The following CADM2 variants were observed in gnomAD, a reference collection of about 807,000 sequenced individuals.
CADM2 encodes the protein cell adhesion molecule 2.
CADM2 carries 12 observed loss-of-function variants against 49.8 expected under a neutral mutation model. That is an observed-to-expected ratio of 0.24 (90% CI 0.15 to 0.39). The LOEUF is 0.39. Ranked by LOEUF, CADM2 falls within the 10% of genes least tolerant of loss-of-function variation. The pLI, the probability that CADM2 is intolerant of heterozygous loss-of-function variation, is 1.00. For synonymous variants in CADM2, 214 were observed against 175.4 expected, an observed-to-expected ratio of 1.22 and a Z score of -1.74; for missense variants, 378 against 492.3, an observed-to-expected ratio of 0.77 and a Z score of 2.20.
rs1340697809 is a variant in CADM2, at chr3:85,634,502, C to T, written c.62-92020C>T. Among the ~76,000 whole-genome samples the T allele has an allele frequency of 2.0e-5, 3 of 151,738 alleles. No individual in the cohort carries two copies. The East Asian group carries it at 5.8e-4, about 29-fold the overall frequency. On this transcript the variant is annotated intron_variant, in intron 1 of 9. Coordinates refer to ENST00000383699, the MANE Select transcript of CADM2 (RefSeq NM_001167675.2). ...TTTATATGAACTTTTACATAGTGCC[C>T]CAAGAAGAAATAATACCTGTGTAAC...
chr3:85,202,078 G>GAA (rs57243426), intron 1 of CADM2, among the ~76,000 whole-genome samples: 17 of 79,520 alleles, frequency 2.1e-4, no homozygotes, highest in East Asian at 3.9e-4. Flanking sequence ...GACTCTGTCT[G>GAA]AAAAAAAAAA....
At chr3:85,757,117 A>G (rs1405363913) in intron 2 of CADM2, among the ~76,000 whole-genome samples, 1 of 152,146 alleles carries the variant, frequency 6.6e-6, no homozygotes, top group Non-Finnish European at 1.5e-5. Flanking sequence ...AAATATTAAT[A>G]TTAAGTAAAG....
chr3:85,358,479 C>T (rs2032060214), intron 1 of CADM2, among the ~76,000 whole-genome samples: 1 of 152,042 alleles, frequency 6.6e-6, no homozygotes, highest in Non-Finnish European at 1.5e-5. Context: ...GAACAGCAAA[C>T]TAGGCAGATT....
intron 1 of CADM2, among the ~76,000 whole-genome samples, chr3:85,296,361 G>A (rs1426745378): frequency 6.6e-6 from 1 of 151,838 alleles, no homozygotes; most frequent in Non-Finnish European, 1.5e-5. Context: ...ATATTTTTTA[G>A]AGTTCTAAAG....
intron 1 of CADM2, among the ~76,000 whole-genome samples, chr3:85,453,603 T>A (rs1030333086): frequency 2.6e-5 from 4 of 152,170 alleles, no homozygotes; most frequent in African/African-American, 4.8e-5. Flanking sequence ...TTGTGTGACA[T>A]CTTTGTTTAA....
intron 3 of CADM2, among the ~76,000 whole-genome samples, chr3:85,855,108 C>T (rs1290082456): frequency 6.6e-6 from 1 of 152,026 alleles, no homozygotes; most frequent in Non-Finnish European, 1.5e-5. Context: ...CCTACAACAT[C>T]CTTTCCTCCA....
chr3:85,201,836 A>G (rs2041510552), intron 1 of CADM2, among the ~76,000 whole-genome samples: 1 of 152,112 alleles, frequency 6.6e-6, no homozygotes, highest in African/African-American at 2.4e-5. Flanking sequence ...TAATTCCAGC[A>G]CTTTGGGAGG....
intron 1 of CADM2, among the ~76,000 whole-genome samples, chr3:85,035,968 G>A (rs970115018): frequency 5.9e-5 from 9 of 152,112 alleles, no homozygotes; most frequent in Admixed American, 5.9e-4. Flanking sequence ...GTAACATAGA[G>A]AGCACAGTGC....
intron 1 of CADM2, among the ~76,000 whole-genome samples, chr3:85,457,141 A>G (rs1341575265): frequency 6.6e-6 from 1 of 152,162 alleles, no homozygotes; most frequent in Non-Finnish European, 1.5e-5. Context: ...GGCCAGGAGC[A>G]GTGGCTCACG....
intron 1 of CADM2, among the ~76,000 whole-genome samples, chr3:85,495,676 C>A (rs1295137574): frequency 2.6e-5 from 4 of 151,980 alleles, no homozygotes; most frequent in African/African-American, 9.7e-5. Context: ...GGCATCCGGT[C>A]CTGCTGAGGC....
chr3:85,810,477 G>A (rs1320438621), intron 3 of CADM2, among the ~76,000 whole-genome samples: 9 of 150,152 alleles, frequency 6.0e-5, no homozygotes, highest in Admixed American at 4.6e-4. Context: ...CAGTTGCATT[G>A]CTTCTCTGGG....
chr3:85,526,144 T>A (rs1443181696), intron 1 of CADM2, among the ~76,000 whole-genome samples: 2 of 93,930 alleles, frequency 2.1e-5, no homozygotes, highest in African/African-American at 5.8e-5. Flanking sequence ...CTCAATATAG[T>A]AAATTGGAAA....
chr3:85,695,992 A>T (rs1260801644), intron 1 of CADM2, among the ~76,000 whole-genome samples: 1 of 152,010 alleles, frequency 6.6e-6, no homozygotes, highest in African/African-American at 2.4e-5. Flanking sequence ...TTAAGTGTGT[A>T]TATTAGGTTT....
At chr3:84,967,162 C>T (rs1409319962) in intron 1 of CADM2, among the ~76,000 whole-genome samples, 1 of 151,996 alleles carries the variant, frequency 6.6e-6, no homozygotes, top group East Asian at 1.9e-4. Flanking sequence ...AAGTGTATAG[C>T]TGTTATATTG....
At chr3:85,454,255 C>T (rs1428811729) in intron 1 of CADM2, among the ~76,000 whole-genome samples, 5 of 151,876 alleles carry the variant, frequency 3.3e-5, no homozygotes, top group Admixed American at 6.6e-5. Flanking sequence ...CGCTTGAACC[C>T]GGGAGGTGGA....
At chr3:85,295,425 G>C (rs2106957389) in intron 1 of CADM2, among the ~76,000 whole-genome samples, 1 of 152,286 alleles carries the variant, frequency 6.6e-6, no homozygotes, top group Admixed American at 6.5e-5. Context: ...ATTTGACGCA[G>C]CCATCCCATT....
intron 1 of CADM2, among the ~76,000 whole-genome samples, chr3:85,068,887 G>A (rs902533806): frequency 2.0e-5 from 3 of 151,708 alleles, no homozygotes; most frequent in Admixed American, 6.6e-5. Flanking sequence ...TTGTTCTATG[G>A]TAATGAATTA....
At chr3:85,007,959 T>TC (rs1489126031) in intron 1 of CADM2, among the ~76,000 whole-genome samples, 1 of 152,192 alleles carries the variant, frequency 6.6e-6, no homozygotes, top group East Asian at 1.9e-4. Flanking sequence ...ATGCAGAATT[T>TC]CTAGGAATTT....
At chr3:85,042,431 T>C (rs1228382379) in intron 1 of CADM2, among the ~76,000 whole-genome samples, 3 of 152,218 alleles carry the variant, frequency 2.0e-5, no homozygotes, top group Admixed American at 6.5e-5. Flanking sequence ...AGTTTCCTTT[T>C]ATGGAAGTTT....
Sources: gnomAD v4.1 joint callset for allele counts (sites outside exome capture counted in the v4.1 genomes callset) on GRCh38, gnomAD v4.1.1 for gene constraint, MANE v1.5 for transcripts, NCBI Gene and HGNC (gene_info 2026-07-23, HGNC 2026-07-21) for gene names.